MACF1: variants seen among roughly 807,000 people sequenced by gnomAD.
MACF1 encodes microtubule actin crosslinking factor 1, also known as microtubule-actin cross-linking factor 1.
In MACF1, 193 loss-of-function variants were observed where a neutral mutation model predicts 854.8. The ratio of observed to expected loss-of-function variants is 0.23; its 90% CI spans 0.20 to 0.25. The LOEUF is 0.25. Ranked by LOEUF, MACF1 falls within the 10% of genes least tolerant of loss-of-function variation. The probability of loss-of-function intolerance (pLI) is 1.00; values close to 1 mark genes in which losing one functional copy is unlikely to be tolerated. For missense variants in MACF1, 7,722 were observed against 8,929.1 expected, an observed-to-expected ratio of 0.86 and a Z score of 5.45; for synonymous variants, 3,185 against 3,226.7, an observed-to-expected ratio of 0.99 and a Z score of 0.44.
intron 79 of MACF1, 106 bp from the exon 80 acceptor site, chr1:39,444,556 C>A: frequency 1.1e-6 from 1 of 914,422 alleles, no homozygotes. Flanking sequence ...GGCTTGTAAT[C>A]AAGATGAGCC....
chr1:39,266,100 A>G (rs957838581), intron 6 of MACF1, among the ~76,000 whole-genome samples: 1 of 152,198 alleles, frequency 6.6e-6, no homozygotes. Flanking sequence ...GGTCTGACAT[A>G]TGCAGAAATT....
intron 58 of MACF1, among the ~76,000 whole-genome samples, chr1:39,415,460 C>G (rs577220607): frequency 4.1e-4 from 62 of 149,456 alleles, no homozygotes; most frequent in African/African-American, 1.3e-3. Context: ...CTCAGCCTCC[C>G]GAGTAGCTGG....
chr1:39,126,857 C>A (rs1234431089), intron 2 of MACF1, among the ~76,000 whole-genome samples: 1 of 152,034 alleles, frequency 6.6e-6, no homozygotes, highest in Non-Finnish European at 1.5e-5. Context: ...GTAACCTGGA[C>A]AGAGGAGTGA....
chr1:39,337,304 A>G lies in MACF1; in HGVS notation c.10188A>G (p.Glu3396=), dbSNP rs1252779868. The change falls in exon 38 of 101, where the codon GAA becomes GAG. Residue 3396 remains glutamate, a synonymous_variant. Coordinates refer to ENST00000564288, the MANE Select transcript of MACF1 (RefSeq NM_001394062.1). ...AACCTTTGGAGCTAAACCTGGCAGA[A>G]CTACAGGATCTGCTGTGTCAGGCCA... ...QIQPLELNLA[E]LQDLLCQAKV... is the part of the protein sequence containing the mutation. The G allele has an allele frequency of 1.9e-6, 3 of 1,614,034 alleles. No homozygotes were observed. The Admixed American group carries it at 5.0e-5, about 27-fold the overall frequency.
chr1:39,432,409 G>T, intron 66 of MACF1, 126 bp from the exon 67 acceptor site: 1 of 700,734 alleles, frequency 1.4e-6, no homozygotes, highest in South Asian at 2.3e-5. Flanking sequence ...TCCCAGTTTT[G>T]ACTCTACTTT....
chr1:39,451,307 T>TCCCCTAGAAAGA, intron 85 of MACF1, 96 bp downstream of exon 85: 5 of 1,246,318 alleles, frequency 4.0e-6, no homozygotes, highest in Non-Finnish European at 5.4e-6. Flanking sequence ...CCCTTCTTTC[T>TCCCCTAGAAAGA]AGGGGAGAAA....
chr1:39,203,698 T>C (rs1644417922), upstream of MACF1, among the ~76,000 whole-genome samples: 1 of 151,940 alleles, frequency 6.6e-6, no homozygotes. Flanking sequence ...TCATATGGTA[T>C]GTAGCCTTTT....
chr1:39,340,752 A>G, intron 39 of MACF1, 35 bp downstream of exon 39: 2 of 1,612,470 alleles, frequency 1.2e-6, no homozygotes, highest in Non-Finnish European at 8.5e-7. Context: ...AGGCTCACAA[A>G]GTCTGGGTGG....
Position 39,324,190 on chromosome 1 carries a change from T to C in MACF1, c.4237-3T>C. The C allele has an allele frequency of 6.3e-7, 1 of 1,590,918 alleles. No homozygotes were observed. The highest frequency in any genetic ancestry group is 8.5e-7 in the Non-Finnish European group (1 of 1,170,940). On this transcript the variant is annotated splice_polypyrimidine_tract_variant and splice_region_variant and intron_variant, in intron 33 of 100. Transcript: ENST00000564288. Reference sequence around the variant, plus strand: ...CATATTGATTTTCTATTTCCTATTCTAGAAAGTGGTAGAAGAGGAGAAACA... The same window carrying C: ...CATATTGATTTTCTATTTCCTATTCCAGAAAGTGGTAGAAGAGGAGAAACA...
chr1:39,455,733 G>T (rs1345026240), intron 89 of MACF1, among the ~76,000 whole-genome samples: 1 of 152,204 alleles, frequency 6.6e-6, no homozygotes. Context: ...ATTATACCTG[G>T]TTCAGAAAGC....
intron 58 of MACF1, among the ~76,000 whole-genome samples, chr1:39,416,309 AAGTGAAGACAGT>A (rs1643306988): frequency 6.6e-6 from 1 of 151,962 alleles, no homozygotes; most frequent in Non-Finnish European, 1.5e-5. Flanking sequence ...AGCCTGTACA[AAGTGAAGACAGT>A]AGGTCAACAA....
At chr1:39,393,460 A>G (rs1030166172) in intron 58 of MACF1, among the ~76,000 whole-genome samples, 2 of 151,694 alleles carry the variant, frequency 1.3e-5, no homozygotes, top group Non-Finnish European at 2.9e-5. Flanking sequence ...ATGTATTTAT[A>G]TTGTTGTGTA....
Position 39,460,826 on chromosome 1 carries a change from A to C in MACF1, c.21523+32A>C. Reference sequence around the variant, plus strand: ...CTAGTCATCATTCCAAACATGGGTCACACCTGGATTCCTTGCACTTTGTAG... The same window carrying C: ...CTAGTCATCATTCCAAACATGGGTCCCACCTGGATTCCTTGCACTTTGTAG... On this transcript the variant is annotated intron_variant, in intron 92 of 100. Transcript: ENST00000564288. This position sits in a 1 kb window ranked among gnomAD's most constrained non-coding sequence, Gnocchi z 4.1. The C allele has an allele frequency of 1.9e-6, 3 of 1,611,120 alleles. No homozygotes were observed. Among genetic ancestry groups the C allele is most frequent in the Non-Finnish European group, 2.5e-6 (3 of 1,177,462 alleles).
chr1:39,138,310 G>A (rs1164786157), intron 2 of MACF1, among the ~76,000 whole-genome samples: 8 of 151,776 alleles, frequency 5.3e-5, no homozygotes, highest in African/African-American at 1.9e-4. Context: ...TAGGCTGGAC[G>A]CGGTGGCTCA....
At chr1:39,254,610 T>C in intron 5 of MACF1, 1 of 443,864 alleles carries the variant, frequency 2.3e-6, no homozygotes, top group South Asian at 4.4e-5. Flanking sequence ...AAGAACATGA[T>C]GATAAAGATG....
Position 39,317,228 on chromosome 1 carries a change from T to C in MACF1, c.3603T>C (p.Asp1201=), listed in dbSNP as rs767370793. 1.2e-6 allele frequency: 2 copies of C among 1,613,854 alleles called. No individual in the cohort carries two copies. The highest frequency in any genetic ancestry group is 1.7e-5 in the Admixed American group (1 of 59,964). ...HWSTLRHWLS[D]VKDKNSVFSV... ...TGTTTCCACAGCACTGGCTTAGTGA[T>C]GTGAAGGACAAGAATTCAGTGTTTT... The change falls in exon 29 of 101, where the codon GAT becomes GAC. Residue 1201 remains aspartate (D), a synonymous_variant. Transcript: ENST00000564288.
intron 84 of MACF1, among the ~76,000 whole-genome samples, chr1:39,450,409 C>G (rs1644317963): frequency 6.6e-6 from 1 of 151,876 alleles, no homozygotes; most frequent in South Asian, 2.1e-4. Flanking sequence ...AGATCACTAC[C>G]AAAACTATCA....
intron 58 of MACF1, among the ~76,000 whole-genome samples, chr1:39,407,088 A>G (rs893994589): frequency 2.6e-5 from 4 of 152,244 alleles, no homozygotes; most frequent in Non-Finnish European, 4.4e-5. Context: ...GAAGATTTGT[A>G]AATCTGTTTT....
intron 44 of MACF1, among the ~76,000 whole-genome samples, chr1:39,356,960 G>A (rs937537774): frequency 6.6e-6 from 1 of 152,144 alleles, no homozygotes; most frequent in East Asian, 1.9e-4. Context: ...AGTCCTATAC[G>A]TGTCAGTTCA....
Sources: allele counts gnomAD v4.1 joint callset (sites outside exome capture counted in the v4.1 genomes callset), GRCh38; gene constraint gnomAD v4.1.1; non-coding constraint Gnocchi (gnomAD v3.1); transcripts MANE v1.5; gene names NCBI Gene and HGNC (gene_info 2026-07-23, HGNC 2026-07-21).